The following SIT1 variants were observed in gnomAD, a reference collection of about 807,000 sequenced individuals.
SIT1 encodes signaling threshold regulating transmembrane adaptor 1.
SIT1 carries 19 observed loss-of-function variants against 23.5 expected under a neutral mutation model. The ratio of observed to expected loss-of-function variants is 0.81; its 90% CI spans 0.56 to 1.19. The LOEUF is 1.19. SIT1 is among the 50% of genes most tolerant of loss of function. The pLI, the probability that SIT1 is intolerant of heterozygous loss-of-function variation, is 0.00. For synonymous variants in SIT1, 114 were observed against 109.1 expected, an observed-to-expected ratio of 1.04 and a Z score of -0.28; for missense variants, 213 against 254.9, an observed-to-expected ratio of 0.84 and a Z score of 1.12.
Position 35,650,468 on chromosome 9 carries a change from CTCAG to C in SIT1, c.236+30_236+33del. 1.2e-6 allele frequency: 2 copies of C among 1,614,024 alleles called. No homozygotes were observed. Among genetic ancestry groups the C allele is most frequent in the Non-Finnish European group, 1.7e-6 (2 of 1,179,922 alleles). On this transcript the variant is annotated intron_variant, in intron 2 of 4. Coordinates refer to ENST00000259608, the MANE Select transcript of SIT1 (RefSeq NM_014450.3). This position sits in a 1 kb window ranked among gnomAD's most constrained non-coding sequence, Gnocchi z 4.8. ...GGGGACTTCTCGGTAAGAGAGAACT[CTCAG>C]TCAACCCATCCCTGTTGTCCTTCAC...
chr9:35,649,322 C>T lies in SIT1; in HGVS notation c.*526G>A, dbSNP rs1200571140. On this transcript the variant is annotated 3_prime_UTR_variant, in exon 5 of 5. Transcript: ENST00000259608. ...CTTTTTGGAAAGTTTTATTTGAAAA[C>T]TTGGGGACAGGACAGAGACAGCAGG... The T allele has an allele frequency of 6.6e-6, 1 of 152,644 alleles. No homozygotes were observed. Among genetic ancestry groups the T allele is most frequent in the African/African-American group, 2.4e-5 (1 of 41,448 alleles). The allele number at this position is 152,644 out of a possible 1,614,324, so 9.5% of individuals were successfully genotyped here. A position where few individuals can be genotyped will look rare whatever the true frequency, so the allele number is the denominator to read the frequency against.
At position 35,650,761 on chromosome 9, in the gene SIT1, G is replaced by A. The variant is rs201098521; in HGVS notation, c.93C>T (p.Leu31=). The change falls in exon 1 of 5, where the codon CTC becomes CTT. Residue 31 remains leucine (L), a synonymous_variant. Coordinates refer to ENST00000259608, the MANE Select transcript of SIT1 (RefSeq NM_014450.3). This position sits in a 1 kb window ranked among gnomAD's most constrained non-coding sequence, Gnocchi z 4.8. ...MSRGDNCTDL[L]ALGIPSITQA... is the part of the protein sequence containing the mutation. ...CTGCCCTGCCCAGCTCACCCAGTGC[G>A]AGTAGATCCGTGCAGTTGTCGCCTC... 167 of 1,613,404 alleles carry A rather than the reference G, an allele frequency of 1.0e-4. No individual in the cohort carries two copies. The Admixed American group carries it at 2.6e-3, about 25-fold the overall frequency.
At position 35,649,650 on chromosome 9, in the gene SIT1, G is replaced by A; in HGVS notation, c.*198C>T. 2.0e-6 allele frequency: 1 copy of A among 487,994 alleles called. No homozygotes were observed. Among genetic ancestry groups the A allele is most frequent in the Non-Finnish European group, 3.6e-6 (1 of 276,478 alleles). The allele number at this position is 487,994 out of a possible 1,614,324, so 30.2% of individuals were successfully genotyped here. ...AGATAGAAAAAAGAAATAAGGAGGG[G>A]GCTACTGTCTTTGCCTCCTCCATCA... On this transcript the variant is annotated 3_prime_UTR_variant, in exon 5 of 5. Transcript: ENST00000259608.
In SIT1 at chr9:35,649,466, C is replaced by T. The variant is rs1823437771; in HGVS notation, c.*382G>A. 1 of 180,532 alleles carries T rather than the reference C, an allele frequency of 5.5e-6. No individual in the cohort carries two copies. The highest frequency in any genetic ancestry group is 2.4e-5 in the African/African-American group (1 of 42,378). The allele number at this position is 180,532 out of a possible 1,614,324, so 11.2% of individuals were successfully genotyped here. On this transcript the variant is annotated 3_prime_UTR_variant, in exon 5 of 5. Transcript: ENST00000259608. ...ACTCCTGAGGAATATACCCACCCACCCACTGTCAGGCCCTTACCCCTCCCC... is the reference window on the plus strand; with the variant it reads ...ACTCCTGAGGAATATACCCACCCACTCACTGTCAGGCCCTTACCCCTCCCC...
In SIT1 at chr9:35,650,469, T is replaced by A; in HGVS notation, c.236+33A>T. ...GGGACTTCTCGGTAAGAGAGAACTC[T>A]CAGTCAACCCATCCCTGTTGTCCTT... On this transcript the variant is annotated intron_variant, in intron 2 of 4. Coordinates refer to ENST00000259608, the MANE Select transcript of SIT1 (RefSeq NM_014450.3). The surrounding 1 kb of genome is among the most constrained non-coding windows in gnomAD (Gnocchi z 4.8). 6.2e-7 allele frequency: 1 copy of A among 1,613,924 alleles called. No individual in the cohort carries two copies. Among genetic ancestry groups the A allele is most frequent in the Non-Finnish European group, 8.5e-7 (1 of 1,179,896 alleles).
At position 35,650,880 on chromosome 9, in the gene SIT1, T is replaced by G; in HGVS notation, c.-27A>C. The G allele has an allele frequency of 6.5e-7, 1 of 1,544,030 alleles. No individual in the cohort carries two copies. Among genetic ancestry groups the G allele is most frequent in the Non-Finnish European group, 8.9e-7 (1 of 1,129,748 alleles). On this transcript the variant is annotated 5_prime_UTR_variant, in exon 1 of 5. Coordinates refer to ENST00000259608, the MANE Select transcript of SIT1 (RefSeq NM_014450.3). The surrounding 1 kb of genome is among the most constrained non-coding windows in gnomAD (Gnocchi z 4.8). Reference sequence around the variant, plus strand: ...GCCTGACGGTTTCCACAGCACTTCTTACTCCCATCCCTCCTCAGGCCCGTA... The same window carrying G: ...GCCTGACGGTTTCCACAGCACTTCTGACTCCCATCCCTCCTCAGGCCCGTA...
chr9:35,649,815 C>A lies in SIT1; in HGVS notation c.*33G>T, dbSNP rs778444745. 2.1e-6 allele frequency: 3 copies of A among 1,424,658 alleles called. No individual in the cohort carries two copies. Among genetic ancestry groups the A allele is most frequent in the East Asian group, 5.0e-5 (2 of 39,958 alleles). The allele number at this position is 1,424,658 out of a possible 1,614,324, so 88.3% of individuals were successfully genotyped here. A position where few individuals can be genotyped will look rare whatever the true frequency, so the allele number is the denominator to read the frequency against. ...ATGCCCCTGCTACGGGGGGCTGGGGCAGTGCACGCCCCGCTGTGCCAGGCC... is the reference window on the plus strand; with the variant it reads ...ATGCCCCTGCTACGGGGGGCTGGGGAAGTGCACGCCCCGCTGTGCCAGGCC... On this transcript the variant is annotated 3_prime_UTR_variant, in exon 5 of 5. Coordinates refer to ENST00000259608, the MANE Select transcript of SIT1 (RefSeq NM_014450.3).
rs547970136 is a variant in SIT1, at chr9:35,650,022, G to C, written c.417C>G (p.Ile139Met). ...ACTTGACGGGGGTTCCAGGACCGGGGATCCGACCCTGAGGAGGCCGCAGCT... is the reference window on the plus strand; with the variant it reads ...ACTTGACGGGGGTTCCAGGACCGGGCATCCGACCCTGAGGAGGCCGCAGCT... ...SLQLRPPQGR[I>M]PGPGTPVKYS... Residue 139 changes from isoleucine to methionine, a missense_variant, in exon 5 of 5, where the codon ATC becomes ATG. By Grantham distance (10) the Ile-to-Met change is conservative (BLOSUM62 1). Transcript: ENST00000259608. This position sits in a 1 kb window ranked among gnomAD's most constrained non-coding sequence, Gnocchi z 4.8. 1.4e-5 allele frequency: 23 copies of C among 1,586,620 alleles called. No individual in the cohort carries two copies. The East Asian group carries it at 5.3e-4, about 36-fold the overall frequency.
chr9:35,649,715 T>C lies in SIT1; in HGVS notation c.*133A>G. On this transcript the variant is annotated 3_prime_UTR_variant, in exon 5 of 5. Coordinates refer to ENST00000259608, the MANE Select transcript of SIT1 (RefSeq NM_014450.3). ...TGAGATGTCTCCCTTGAAGCTCAGA[T>C]AGGAAGTCCGGGGTAGATCACATCC... 1 of 635,504 alleles carries C rather than the reference T, an allele frequency of 1.6e-6. No individual in the cohort carries two copies. Among genetic ancestry groups the C allele is most frequent in the South Asian group, 2.4e-5 (1 of 41,406 alleles). 39.4% of individuals were successfully genotyped at this position (635,504 alleles called of 1,614,324 possible).
At position 35,650,713 on chromosome 9, in the gene SIT1, C is replaced by G; in HGVS notation, c.100+41G>C. On this transcript the variant is annotated intron_variant, in intron 1 of 4. Coordinates refer to ENST00000259608, the MANE Select transcript of SIT1 (RefSeq NM_014450.3). This position sits in a 1 kb window ranked among gnomAD's most constrained non-coding sequence, Gnocchi z 4.8. ...GCCCAGCAGGTGGGACCTGGGGCCA[C>G]ATGACCCCTCCCCCACCAGCCCCTG... The G allele has an allele frequency of 6.2e-7, 1 of 1,610,570 alleles. No homozygotes were observed. The highest frequency in any genetic ancestry group is 1.1e-5 in the South Asian group (1 of 90,964).
chr9:35,650,006 G>T lies in SIT1; in HGVS notation c.433C>A (p.Pro145Thr). 6.3e-7 allele frequency: 1 copy of T among 1,586,000 alleles called. No homozygotes were observed. The stretch of plus-strand genomic sequence containing the variant: ...AGCACCACCTCCGAGTACTTGACGG[G>T]GGTTCCAGGACCGGGGATCCGACCC... Reference protein sequence around the residue: ...PQGRIPGPGTPVKYSEVVLDS... With the variant: ...PQGRIPGPGTTVKYSEVVLDS... Residue 145 changes from proline to threonine, a missense_variant, in exon 5 of 5, where the codon CCC becomes ACC. Coordinates refer to ENST00000259608, the MANE Select transcript of SIT1 (RefSeq NM_014450.3). The surrounding 1 kb of genome is among the most constrained non-coding windows in gnomAD (Gnocchi z 4.8).
Position 35,649,567 on chromosome 9 carries a change from C to G in SIT1, c.*281G>C. On this transcript the variant is annotated 3_prime_UTR_variant, in exon 5 of 5. Transcript: ENST00000259608. ...ATGAGGGAGCGGGGGTGGGGAGGATCTGGTTAAACTCCAGAAGAAGGAAGT... is the reference window on the plus strand; with the variant it reads ...ATGAGGGAGCGGGGGTGGGGAGGATGTGGTTAAACTCCAGAAGAAGGAAGT... 3.0e-6 allele frequency: 1 copy of G among 338,190 alleles called. No individual in the cohort carries two copies. Among genetic ancestry groups the G allele is most frequent in the Non-Finnish European group, 5.4e-6 (1 of 185,190 alleles). The allele number at this position is 338,190 out of a possible 1,614,324, so 20.9% of individuals were successfully genotyped here.
In SIT1 at chr9:35,650,136, C is replaced by T. The variant is rs752565502; in HGVS notation, c.357+48G>A. The stretch of plus-strand genomic sequence containing the variant: ...TGGACCCTCGGAAAAGCCCGAAAAG[C>T]CCCCCACTTCCTTCCCTCCCCCTTT... On this transcript the variant is annotated intron_variant, in intron 4 of 4. Coordinates refer to ENST00000259608, the MANE Select transcript of SIT1 (RefSeq NM_014450.3). The surrounding 1 kb of genome is among the most constrained non-coding windows in gnomAD (Gnocchi z 4.8). The T allele has an allele frequency of 2.5e-6, 4 of 1,607,562 alleles. 1 individual carries two copies. The East Asian group carries it at 8.9e-5, about 36-fold the overall frequency.
rs1823462094 is a variant in SIT1 at position 35,650,771 on chromosome 9, G to A, written c.83C>T (p.Thr28Met). The part of the protein sequence containing the change: ...SAAMSRGDNC[T>M]DLLALGIPSI... ...CAGCTCACCCAGTGCGAGTAGATCCGTGCAGTTGTCGCCTCTGCTCATGGC... is the reference window on the plus strand; with the variant it reads ...CAGCTCACCCAGTGCGAGTAGATCCATGCAGTTGTCGCCTCTGCTCATGGC... Residue 28 changes from threonine (T) to methionine (M), a missense_variant, in exon 1 of 5, where the codon ACG becomes ATG. Physicochemically the swap from Thr to Met is moderately conservative, Grantham distance 81. Transcript: ENST00000259608. The surrounding 1 kb of genome is among the most constrained non-coding windows in gnomAD (Gnocchi z 4.8). 2.5e-6 allele frequency: 4 copies of A among 1,613,532 alleles called. No individual in the cohort carries two copies. The South Asian group carries it at 3.3e-5, about 13-fold the overall frequency.
In SIT1 at chr9:35,649,909, C is replaced by G; in HGVS notation, c.530G>C (p.Arg177Pro). The G allele has an allele frequency of 1.3e-6, 2 of 1,584,832 alleles. No homozygotes were observed. The highest frequency in any genetic ancestry group is 1.7e-6 in the Non-Finnish European group (2 of 1,166,142). The stretch of plus-strand genomic sequence containing the variant: ...ATCCGGGAAGGAGGCCCGGGCCCTG[C>G]GGGTCTGGGCACATACTGAGGCATA... ...ELYASVCAQT[R>P]RARASFPDQA... is the part of the protein sequence containing the mutation. The change falls in exon 5 of 5, where the codon CGC becomes CCC. Residue 177 changes from arginine to proline, a missense_variant. By Grantham distance (103) the Arg-to-Pro change is moderately radical. Transcript: ENST00000259608.
chr9:35,650,564 C>T lies in SIT1; in HGVS notation c.174G>A (p.Ser58=), dbSNP rs773248433. ...LGAVTLLFLI[S]LAAHLSQWTR... ...TCCACTGGGACAAGTGTGCAGCCAG[C>T]GAGATGAGAAATAGCAGCGTCACAG... The change falls in exon 2 of 5, where the codon TCG becomes TCA. Residue 58 remains serine, a synonymous_variant. Transcript: ENST00000259608. The surrounding 1 kb of genome is among the most constrained non-coding windows in gnomAD (Gnocchi z 4.8). The T allele has an allele frequency of 7.4e-6, 12 of 1,613,768 alleles. No homozygotes were observed. The highest frequency in any genetic ancestry group is 1.0e-5 in the Non-Finnish European group (12 of 1,180,014).
At position 35,650,743 on chromosome 9, in the gene SIT1, G is replaced by GCC; in HGVS notation, c.100+9_100+10dup. 1 of 1,612,782 alleles carries GCC rather than the reference G, an allele frequency of 6.2e-7. No homozygotes were observed. The highest frequency in any genetic ancestry group is 8.5e-7 in the Non-Finnish European group (1 of 1,179,352). On this transcript the variant is annotated intron_variant, in intron 1 of 4. Coordinates refer to ENST00000259608, the MANE Select transcript of SIT1 (RefSeq NM_014450.3). The surrounding 1 kb of genome is among the most constrained non-coding windows in gnomAD (Gnocchi z 4.8). ...CCCCTCCCCCACCAGCCCCTGCCCT[G>GCC]CCCAGCTCACCCAGTGCGAGTAGAT...
At position 35,649,922 on chromosome 9, in the gene SIT1, A is replaced by T. The variant is rs750102285; in HGVS notation, c.517T>A (p.Cys173Ser). Residue 173 changes from cysteine to serine, a missense_variant, in exon 5 of 5, where the codon TGT becomes AGT. Transcript: ENST00000259608. ...GCCCGGGCCCTGCGGGTCTGGGCAC[A>T]TACTGAGGCATAGAGCTCCGGCTCG... ...GPEPELYASV[C>S]AQTRRARASF... The T allele has an allele frequency of 6.3e-7, 1 of 1,586,528 alleles. No individual in the cohort carries two copies. The highest frequency in any genetic ancestry group is 1.8e-5 in the Admixed American group (1 of 54,868).
In SIT1 at chr9:35,650,687, G is replaced by A. The variant is rs770832789; in HGVS notation, c.101-50C>T. ...TGTAACAGCCCCGCCCCACCCCCAG[G>A]GCCCAGCAGGTGGGACCTGGGGCCA... On this transcript the variant is annotated intron_variant, in intron 1 of 4. Transcript: ENST00000259608. The surrounding 1 kb of genome is among the most constrained non-coding windows in gnomAD (Gnocchi z 4.8). 2.4e-5 allele frequency: 38 copies of A among 1,611,954 alleles called. No homozygotes were observed. The South Asian group carries it at 4.0e-4, about 17-fold the overall frequency.
Sources: allele counts gnomAD v4.1 joint callset, GRCh38; gene constraint gnomAD v4.1.1; non-coding constraint Gnocchi (gnomAD v3.1); transcripts MANE v1.5; gene names NCBI Gene and HGNC (gene_info 2026-07-23, HGNC 2026-07-21).